Variants in ZNF618 observed in about 807,000 individuals in gnomAD.
ZNF618 encodes neural precursor cell expressed, developmentally down-regulated 10.
ZNF618 carries 34 observed loss-of-function variants against 103.0 expected under a neutral mutation model. The observed-to-expected ratio is 0.33, with a 90% confidence interval of 0.25 to 0.44. ZNF618 has a LOEUF of 0.44. Ranked by LOEUF, ZNF618 falls within the 20% of genes least tolerant of loss-of-function variation. The probability of loss-of-function intolerance (pLI) is 1.00; values close to 1 mark genes in which losing one functional copy is unlikely to be tolerated. For missense variants in ZNF618, 1,059 were observed against 1,295.4 expected (o/e 0.82, Z 2.80); for synonymous variants, 551 against 542.2 (o/e 1.02, Z -0.23).
intron 1 of ZNF618, among the ~76,000 whole-genome samples, chr9:113,956,865 T>C (rs1337074542): frequency 6.6e-6 from 1 of 152,244 alleles, no homozygotes; most frequent in Non-Finnish European, 1.5e-5. Flanking sequence ...AGTAATGATT[T>C]ATATAGGTAG....
At chr9:113,942,592 A>C (rs2132087115) in intron 1 of ZNF618, among the ~76,000 whole-genome samples, 1 of 152,326 alleles carries the variant, frequency 6.6e-6, no homozygotes, top group South Asian at 2.1e-4. Flanking sequence ...CACTGCATGC[A>C]GTAGGTGCTC....
chr9:114,008,572 T>C lies in ZNF618; in HGVS notation c.754+18T>C. 1 of 1,613,186 alleles carries C rather than the reference T, an allele frequency of 6.2e-7. No homozygotes were observed. The highest frequency in any genetic ancestry group is 2.2e-5 in the East Asian group (1 of 44,854). On this transcript the variant is annotated intron_variant, in intron 9 of 14. Coordinates refer to ENST00000374126, the MANE Select transcript of ZNF618 (RefSeq NM_001318042.2). Reference sequence around the variant, plus strand: ...CGGGCCAAGTATGCGGGATTCCCTCTGGGGCCAAGGGCTGGGTGGGGGCTG... The same window carrying C: ...CGGGCCAAGTATGCGGGATTCCCTCCGGGGCCAAGGGCTGGGTGGGGGCTG...
intron 1 of ZNF618, among the ~76,000 whole-genome samples, chr9:113,921,663 G>A (rs1201115252): frequency 6.6e-6 from 1 of 152,204 alleles, no homozygotes; most frequent in African/African-American, 2.4e-5. Context: ...ACATGATCTG[G>A]AAAGAAGGAA....
chr9:113,937,444 C>T (rs1285675538), intron 1 of ZNF618, among the ~76,000 whole-genome samples: 1 of 152,188 alleles, frequency 6.6e-6, no homozygotes, highest in Non-Finnish European at 1.5e-5. Context: ...AATCTACAGA[C>T]CTTACTCATA....
At chr9:113,904,023 T>C (rs1411238829) in intron 1 of ZNF618, among the ~76,000 whole-genome samples, 5 of 151,564 alleles carry the variant, frequency 3.3e-5, no homozygotes, top group Non-Finnish European at 7.4e-5. Flanking sequence ...TTTTTTTTTT[T>C]TCCAAGGATT....
At chr9:113,876,637 C>G (rs1827964864) in intron 1 of ZNF618, among the ~76,000 whole-genome samples, 1 of 151,790 alleles carries the variant, frequency 6.6e-6, no homozygotes, top group Non-Finnish European at 1.5e-5. Context: ...TTTGGGGCCC[C>G]CACCCAGCGC....
intron 1 of ZNF618, among the ~76,000 whole-genome samples, chr9:113,920,297 T>G (rs1054242282): frequency 2.6e-5 from 4 of 151,916 alleles, no homozygotes; most frequent in African/African-American, 9.7e-5. Flanking sequence ...TGATTTATGG[T>G]GGGGAGGAGC....
In ZNF618 at chr9:114,028,838, C is replaced by T. The variant is rs1226793281; in HGVS notation, c.950C>T (p.Thr317Met). The change falls in exon 11 of 15, where the codon ACG becomes ATG. Residue 317 changes from threonine (T) to methionine (M), a missense_variant. Physicochemically the swap from Thr to Met is moderately conservative, Grantham distance 81. This residue lies in a region of ZNF618 where 434 missense variants were observed against 476.0 expected (regional missense o/e 0.91). Transcript: ENST00000374126. Reference sequence around the variant, plus strand: ...CGCTTCGTGGCAGCGAAGACCCAGACGAACCAGTCGGGGAAAAAAGCTCCG... The same window carrying T: ...CGCTTCGTGGCAGCGAAGACCCAGATGAACCAGTCGGGGAAAAAAGCTCCG... ...SPRFVAAKTQ[T>M]NQSGKKAPAS... 1.2e-5 allele frequency: 19 copies of T among 1,550,654 alleles called. No homozygotes were observed. The highest frequency in any genetic ancestry group is 1.1e-4 in the African/African-American group (8 of 73,170).
chr9:113,993,976 T>C (rs1840320566), intron 3 of ZNF618, among the ~76,000 whole-genome samples: 1 of 152,090 alleles, frequency 6.6e-6, no homozygotes, highest in African/African-American at 2.4e-5. Flanking sequence ...GGGAGTGAGT[T>C]CCCCGTCCTG....
At chr9:113,879,746 CTT>C (rs967342977) in intron 1 of ZNF618, among the ~76,000 whole-genome samples, 3 of 145,054 alleles carry the variant, frequency 2.1e-5, no homozygotes, top group Non-Finnish European at 4.5e-5. Flanking sequence ...AGTGGAGACT[CTT>C]ATTACTTAAT....
intron 10 of ZNF618, among the ~76,000 whole-genome samples, chr9:114,022,933 G>A (rs1226989125): frequency 6.6e-6 from 1 of 151,958 alleles, no homozygotes; most frequent in African/African-American, 2.4e-5. Context: ...AATTTCCTTT[G>A]TCTGTTACTG....
chr9:113,897,467 T>C (rs1376461053), intron 1 of ZNF618, among the ~76,000 whole-genome samples: 1 of 152,218 alleles, frequency 6.6e-6, no homozygotes, highest in Non-Finnish European at 1.5e-5. Flanking sequence ...TATTCCAGCC[T>C]CTATGTTTTA....
At chr9:113,945,792 AG>A (rs1246551574) in intron 1 of ZNF618, among the ~76,000 whole-genome samples, 1 of 152,266 alleles carries the variant, frequency 6.6e-6, no homozygotes, top group East Asian at 1.9e-4. Flanking sequence ...GGAGAAAAAA[AG>A]ACTTTTCCTA....
At chr9:113,948,191 T>C (rs1447515949) in intron 1 of ZNF618, among the ~76,000 whole-genome samples, 2 of 152,192 alleles carry the variant, frequency 1.3e-5, no homozygotes, top group Non-Finnish European at 2.9e-5. Flanking sequence ...CCCTTTGTAC[T>C]GAGGGCCTCA....
intron 1 of ZNF618, among the ~76,000 whole-genome samples, chr9:113,901,652 A>T (rs578101357): frequency 6.6e-6 from 1 of 152,200 alleles, no homozygotes; most frequent in South Asian, 2.1e-4. Context: ...CAGCCAGGGG[A>T]CAGGGTTATC....
At chr9:113,997,060 CTTT>C (rs756563358) in intron 3 of ZNF618, among the ~76,000 whole-genome samples, 11 of 132,544 alleles carry the variant, frequency 8.3e-5, no homozygotes, top group Non-Finnish European at 1.7e-4. Context: ...CTCTCTCTTT[CTTT>C]TTTTTTTCTT....
At chr9:113,901,925 C>T (rs1271220463) in intron 1 of ZNF618, among the ~76,000 whole-genome samples, 1 of 152,030 alleles carries the variant, frequency 6.6e-6, no homozygotes, top group East Asian at 1.9e-4. Flanking sequence ...GGGGACATCG[C>T]GCTGAGCATC....
chr9:113,934,530 C>T (rs1833874825), intron 1 of ZNF618, among the ~76,000 whole-genome samples: 1 of 152,212 alleles, frequency 6.6e-6, no homozygotes, highest in Non-Finnish European at 1.5e-5. Context: ...AGACTGGTCG[C>T]TCTTTTCACC....
chr9:114,024,283 C>A (rs970123039), intron 10 of ZNF618, among the ~76,000 whole-genome samples: 2 of 152,074 alleles, frequency 1.3e-5, no homozygotes, highest in Non-Finnish European at 2.9e-5. Context: ...CATTTGGTTT[C>A]TTTTTATAAT....
Sources: gnomAD v4.1 joint callset for allele counts (sites outside exome capture counted in the v4.1 genomes callset) on GRCh38, gnomAD v4.1.1 for gene constraint, gnomAD v4.1.1 regional missense constraint, MANE v1.5 for transcripts, NCBI Gene and HGNC (gene_info 2026-07-23, HGNC 2026-07-21) for gene names.